Variants in CBLN2 observed in about 807,000 individuals in gnomAD.
The protein encoded by CBLN2 is cerebellin-2.
Under a neutral mutation model 15.0 loss-of-function variants are expected in CBLN2, and 7 were observed. That is an observed-to-expected ratio of 0.47 (90% CI 0.27 to 0.88). The LOEUF (loss-of-function observed/expected upper bound fraction) is 0.88. Ranked by LOEUF, CBLN2 falls within the 40% of genes least tolerant of loss-of-function variation. The pLI, the probability that CBLN2 is intolerant of heterozygous loss-of-function variation, is 0.14. For synonymous variants in CBLN2, 149 were observed against 135.2 expected, an observed-to-expected ratio of 1.10 and a Z score of -0.71; for missense variants, 242 against 304.5, an observed-to-expected ratio of 0.79 and a Z score of 1.53.
intron 2 of CBLN2, among the ~76,000 whole-genome samples, chr18:72,542,803 A>C (rs2069127147): frequency 1.3e-5 from 2 of 151,912 alleles, no homozygotes; most frequent in African/African-American, 2.4e-5. Context: ...GATGTTTTTA[A>C]AGTCCATTTA....
At chr18:72,627,963 G>C (rs2069751250) in intron 1 of CBLN2, among the ~76,000 whole-genome samples, 2 of 152,122 alleles carry the variant, frequency 1.3e-5, no homozygotes, top group Admixed American at 1.3e-4. Flanking sequence ...TTATTTGCAT[G>C]GCTCTAAAAC....
intron 1 of CBLN2, among the ~76,000 whole-genome samples, chr18:72,623,576 T>G (rs1221999846): frequency 6.6e-6 from 1 of 152,152 alleles, no homozygotes; most frequent in Non-Finnish European, 1.5e-5. Flanking sequence ...CCCTAAGAGC[T>G]GAAGCCTGAT....
intron 1 of CBLN2, among the ~76,000 whole-genome samples, chr18:72,557,806 C>T (rs772174546): frequency 1.2e-4 from 19 of 152,180 alleles, no homozygotes; most frequent in African/African-American, 4.1e-4. Flanking sequence ...AATGCATGCT[C>T]GACTTAATAG....
At chr18:72,632,710 T>C (rs2069785155) in intron 1 of CBLN2, among the ~76,000 whole-genome samples, 1 of 152,208 alleles carries the variant, frequency 6.6e-6, no homozygotes, top group Non-Finnish European at 1.5e-5. Context: ...TTTCAAATGT[T>C]ACCCTCTAGG....
chr18:72,555,018 C>T (rs1051038142), intron 1 of CBLN2, among the ~76,000 whole-genome samples: 1 of 151,970 alleles, frequency 6.6e-6, no homozygotes, highest in Non-Finnish European at 1.5e-5. Flanking sequence ...GCCTGTAATC[C>T]CAGCTACTTG....
At chr18:72,539,023 T>C in intron 3 of CBLN2, 2 of 428,160 alleles carry the variant, frequency 4.7e-6, no homozygotes, top group South Asian at 3.6e-5. Context: ...ATTTTAATTA[T>C]GCATTCAAAA....
At chr18:72,607,280 T>C (rs1399581721) in intron 1 of CBLN2, among the ~76,000 whole-genome samples, 1 of 152,176 alleles carries the variant, frequency 6.6e-6, no homozygotes, top group Non-Finnish European at 1.5e-5. Context: ...ATCCAGTTTG[T>C]GGTACTTTGT....
intron 1 of CBLN2, among the ~76,000 whole-genome samples, chr18:72,569,630 G>A (rs2069317572): frequency 6.6e-6 from 1 of 152,174 alleles, no homozygotes; most frequent in Non-Finnish European, 1.5e-5. Context: ...CATGGCAGAA[G>A]ATGAAGGGGG....
At chr18:72,582,747 A>C (rs1429198220) in intron 1 of CBLN2, among the ~76,000 whole-genome samples, 1 of 152,202 alleles carries the variant, frequency 6.6e-6, no homozygotes, top group African/African-American at 2.4e-5. Flanking sequence ...CAGATTGGAA[A>C]AGCAGTTTCC....
chr18:72,592,896 G>A (rs917175885), intron 1 of CBLN2, among the ~76,000 whole-genome samples: 2 of 152,038 alleles, frequency 1.3e-5, no homozygotes, highest in African/African-American at 4.8e-5. Context: ...CAATAGCTCT[G>A]TAGTATAATT....
chr18:72,550,551 T>C (rs1306968573), intron 1 of CBLN2, among the ~76,000 whole-genome samples: 2 of 152,178 alleles, frequency 1.3e-5, no homozygotes, highest in South Asian at 4.1e-4. Flanking sequence ...AGCACTTTCA[T>C]TAGTGAAATG....
intron 1 of CBLN2, among the ~76,000 whole-genome samples, chr18:72,587,633 G>C (rs905349701): frequency 6.6e-6 from 1 of 152,074 alleles, no homozygotes; most frequent in Non-Finnish European, 1.5e-5. Flanking sequence ...GACTCTTTCT[G>C]TTTGACTTCA....
chr18:72,625,866 T>C (rs2069736057), intron 1 of CBLN2, among the ~76,000 whole-genome samples: 1 of 144,940 alleles, frequency 6.9e-6, no homozygotes, highest in Non-Finnish European at 1.5e-5. Context: ...CATATACTCT[T>C]GTCTGTTAGA....
At chr18:72,565,380 AGTATGAAG>A (rs910067865) in intron 1 of CBLN2, among the ~76,000 whole-genome samples, 5 of 152,092 alleles carry the variant, frequency 3.3e-5, no homozygotes, top group African/African-American at 1.2e-4. Flanking sequence ...AAATATTTCT[AGTATGAAG>A]GTTAAAAATC....
At chr18:72,619,648 G>A (rs1267641940) in intron 1 of CBLN2, among the ~76,000 whole-genome samples, 3 of 152,128 alleles carry the variant, frequency 2.0e-5, no homozygotes, top group South Asian at 2.1e-4. Flanking sequence ...TGGTTTGTAC[G>A]ATTGTTTTTT....
At chr18:72,597,746 C>T (rs998986786) in intron 1 of CBLN2, among the ~76,000 whole-genome samples, 10 of 152,178 alleles carry the variant, frequency 6.6e-5, no homozygotes, top group Admixed American at 5.2e-4. Context: ...GAGCTGGCAC[C>T]CAAGTCACAA....
intron 1 of CBLN2, among the ~76,000 whole-genome samples, chr18:72,564,306 A>T (rs998977673): frequency 6.6e-6 from 1 of 152,214 alleles, no homozygotes; most frequent in African/African-American, 2.4e-5. Flanking sequence ...CAATGAAATC[A>T]TGGAAATAAC....
At chr18:72,627,064 T>G (rs2069744765) in intron 1 of CBLN2, among the ~76,000 whole-genome samples, 1 of 152,210 alleles carries the variant, frequency 6.6e-6, no homozygotes, top group African/African-American at 2.4e-5. Context: ...TGGAGTTGAT[T>G]TATTTTTACT....
chr18:72,573,523 G>A (rs1002797255), intron 1 of CBLN2, among the ~76,000 whole-genome samples: 11 of 152,074 alleles, frequency 7.2e-5, no homozygotes, highest in African/African-American at 9.7e-5. Flanking sequence ...TTGTTATATA[G>A]TTGGAAGCAT....
Sources: allele counts gnomAD v4.1 joint callset (sites outside exome capture counted in the v4.1 genomes callset), GRCh38; gene constraint gnomAD v4.1.1; transcripts MANE v1.5; gene names NCBI Gene and HGNC (gene_info 2026-07-23, HGNC 2026-07-21).